FLT3: variants seen among roughly 807,000 people sequenced by gnomAD.
The protein encoded by FLT3 is fms related receptor tyrosine kinase 3.
In FLT3, 46 loss-of-function variants were observed where a neutral mutation model predicts 126.6. The ratio of observed to expected loss-of-function variants is 0.36; its 90% CI spans 0.29 to 0.46. The LOEUF (loss-of-function observed/expected upper bound fraction) is 0.46, where lower values mean the gene tolerates loss of function less well. Among genes scored for constraint, FLT3 ranks in the 20% least tolerant of loss-of-function variants. FLT3 has a pLI of 1.00. For synonymous variants in FLT3, 404 were observed against 434.4 expected, an observed-to-expected ratio of 0.93 and a Z score of 0.87; for missense variants, 1,069 against 1,190.3, an observed-to-expected ratio of 0.90 and a Z score of 1.50.
chr13:28,030,405 A>C (rs1054525522), intron 15 of FLT3, among the ~76,000 whole-genome samples: 3 of 152,162 alleles, frequency 2.0e-5, no homozygotes, highest in African/African-American at 7.2e-5. Flanking sequence ...TCTTTCATTC[A>C]GTCATTCAAC....
intron 1 of FLT3, among the ~76,000 whole-genome samples, chr13:28,090,576 G>A (rs531680321): frequency 9.5e-4 from 145 of 152,114 alleles, no homozygotes; most frequent in African/African-American, 3.3e-3. Flanking sequence ...TCAGGAGTTC[G>A]AGACCAGCCT....
chr13:28,039,179 A>G (rs1403258598), intron 9 of FLT3, among the ~76,000 whole-genome samples: 1 of 152,178 alleles, frequency 6.6e-6, no homozygotes, highest in Non-Finnish European at 1.5e-5. Flanking sequence ...GGAGCAGAAT[A>G]TCATGAACAG....
chr13:28,048,861 T>A (rs1384962635), intron 8 of FLT3, among the ~76,000 whole-genome samples: 1 of 152,196 alleles, frequency 6.6e-6, no homozygotes, highest in African/African-American at 2.4e-5. Flanking sequence ...ATCGCTGTAT[T>A]TCTCGGCATT....
chr13:28,042,515 G>A (rs1350482570), intron 9 of FLT3, among the ~76,000 whole-genome samples: 2 of 147,698 alleles, frequency 1.4e-5, no homozygotes, highest in Admixed American at 6.8e-5. Flanking sequence ...AGAAAAAGAA[G>A]GAATAAAGGG....
At chr13:28,085,845 G>T (rs1485992706) in intron 1 of FLT3, among the ~76,000 whole-genome samples, 1 of 151,924 alleles carries the variant, frequency 6.6e-6, no homozygotes, top group Admixed American at 6.6e-5. Flanking sequence ...GGGCATGGTG[G>T]CTCACACCTG....
chr13:28,048,587 A>G (rs1875120159), intron 8 of FLT3, 144 bp from the exon 9 acceptor site: 7 of 616,666 alleles, frequency 1.1e-5, no homozygotes, highest in Non-Finnish European at 2.0e-5. Flanking sequence ...GGATAATCCA[A>G]GTGAAAACCC....
At chr13:28,072,714 A>C (rs1877622381) in intron 1 of FLT3, among the ~76,000 whole-genome samples, 1 of 152,084 alleles carries the variant, frequency 6.6e-6, no homozygotes, top group Non-Finnish European at 1.5e-5. Context: ...TTCTCTTAAC[A>C]AATATGCGGC....
chr13:28,062,872 G>C (rs956987794), intron 2 of FLT3, among the ~76,000 whole-genome samples: 2 of 151,926 alleles, frequency 1.3e-5, no homozygotes, highest in African/African-American at 4.8e-5. Flanking sequence ...ACTGCCCTTA[G>C]AAGGAACCAA....
Position 28,053,397 on chromosome 13 carries a change from G to GATATATATATATATATATATATATAT in FLT3, c.485-724_485-723insATATATATATATATATATATATATAT, listed in dbSNP as rs10522717. On this transcript the variant is annotated intron_variant, in intron 4 of 23. Transcript: ENST00000241453. Reference sequence around the variant, plus strand: ...TGTTTGAAAATACTATGTACTGTTTGATATATATATATATATATGAAAGAA... The same window carrying GATATATATATATATATATATATATAT: ...TGTTTGAAAATACTATGTACTGTTTGATATATATATATATATATATATATATATATATATATATATATATGAAAGAA... 6.6e-3 allele frequency among the ~76,000 whole-genome samples: 885 copies of GATATATATATATATATATATATATAT among 134,396 alleles called. 40 individuals carry two copies. Among genetic ancestry groups the GATATATATATATATATATATATATAT allele is most frequent in the African/African-American group, 0.025 (803 of 31,672 alleles). 88.2% of individuals were successfully genotyped at this position (134,396 alleles called of 152,430 possible). A position where few individuals can be genotyped will look rare whatever the true frequency, so the allele number is the denominator to read the frequency against.
intron 9 of FLT3, among the ~76,000 whole-genome samples, chr13:28,045,555 C>T (rs1314794599): frequency 1.3e-5 from 2 of 152,094 alleles, no homozygotes; most frequent in African/African-American, 4.8e-5. Flanking sequence ...ACTCTCCAAC[C>T]TTCTACATTT....
At chr13:28,094,238 T>A (rs557695611) in intron 1 of FLT3, among the ~76,000 whole-genome samples, 1 of 152,312 alleles carries the variant, frequency 6.6e-6, no homozygotes, top group Admixed American at 6.5e-5. Flanking sequence ...AGGAAAAGCA[T>A]AACTCAAATA....
chr13:28,072,897 C>T (rs139031196), intron 1 of FLT3, among the ~76,000 whole-genome samples: 26,837 of 151,652 alleles, frequency 0.18, 2,441 homozygotes, highest in Middle Eastern at 0.26. Flanking sequence ...CCCAGCTACT[C>T]GGGAGGCTGA....
At position 28,100,405 on chromosome 13, in the gene FLT3, C is replaced by T; in HGVS notation, c.43+63G>A. On this transcript the variant is annotated intron_variant, in intron 1 of 23. Coordinates refer to ENST00000241453, the MANE Select transcript of FLT3 (RefSeq NM_004119.3). The surrounding 1 kb of genome is among the most constrained non-coding windows in gnomAD (Gnocchi z 4.8). ...GGCCGGAGGAGGCGCGCGCCCGGGT[C>T]CACACTGCGGGGTGGGGGCTGAGGG... The T allele has an allele frequency of 8.7e-7, 1 of 1,148,648 alleles. No individual in the cohort carries two copies. Among genetic ancestry groups the T allele is most frequent in the Non-Finnish European group, 1.1e-6 (1 of 916,406 alleles). 71.2% of individuals were successfully genotyped at this position (1,148,648 alleles called of 1,614,324 possible). A position where few individuals can be genotyped will look rare whatever the true frequency, so the allele number is the denominator to read the frequency against.
chr13:28,089,909 A>AT (rs1878922314), intron 1 of FLT3, among the ~76,000 whole-genome samples: 1 of 150,530 alleles, frequency 6.6e-6, no homozygotes, highest in East Asian at 2.0e-4. Context: ...TAAGTTTTAT[A>AT]TATATTTTTT....
At chr13:28,091,412 G>A (rs1253035148) in intron 1 of FLT3, among the ~76,000 whole-genome samples, 28 of 148,716 alleles carry the variant, frequency 1.9e-4, no homozygotes, top group Admixed American at 4.0e-4. Context: ...TAGTAGAGAC[G>A]GGGTTTCACC....
At chr13:28,067,764 A>G (rs1566094859) in intron 2 of FLT3, 5 of 170,774 alleles carry the variant, frequency 2.9e-5, no homozygotes, top group Non-Finnish European at 6.3e-5. Context: ...CAGAGAAAGC[A>G]CGTAAAATGA....
At chr13:28,060,003 TA>T (rs1373124480) in intron 3 of FLT3, among the ~76,000 whole-genome samples, 7 of 150,600 alleles carry the variant, frequency 4.6e-5, no homozygotes, top group African/African-American at 1.2e-4. Flanking sequence ...TAAATAAATT[TA>T]AAAAAGAAAT....
At position 28,034,122 on chromosome 13, in the gene FLT3, A is replaced by G. The variant is rs768333323; in HGVS notation, c.1797T>C (p.Tyr599=). Residue 599 remains tyrosine, a synonymous_variant, in exon 14 of 24, where the codon TAT becomes TAC. Coordinates refer to ENST00000241453, the MANE Select transcript of FLT3 (RefSeq NM_004119.3). ...YFYVDFREYE[Y]DLKWEFPREN... is the part of the protein sequence containing the mutation. ...CTCTTGGAAACTCCCATTTGAGATC[A>G]TATTCATATTCTCTGAAATCAACGT... 1 of 1,614,034 alleles carries G rather than the reference A, an allele frequency of 6.2e-7. No individual in the cohort carries two copies. The highest frequency in any genetic ancestry group is 2.2e-5 in the East Asian group (1 of 44,878).
chr13:28,039,511 T>C (rs1218142452), intron 9 of FLT3, among the ~76,000 whole-genome samples: 1 of 151,538 alleles, frequency 6.6e-6, no homozygotes, highest in Non-Finnish European at 1.5e-5. Context: ...ACTTATTTTC[T>C]ACAACAATGC....
Sources: gnomAD v4.1 joint callset for allele counts (sites outside exome capture counted in the v4.1 genomes callset) on GRCh38, gnomAD v4.1.1 for gene constraint, Gnocchi (gnomAD v3.1) non-coding constraint, MANE v1.5 for transcripts, NCBI Gene and HGNC (gene_info 2026-07-23, HGNC 2026-07-21) for gene names.